Variants in NCAPD3 observed in about 807,000 individuals in gnomAD.
NCAPD3 encodes condensin-2 complex subunit D3.
In NCAPD3, 105 loss-of-function variants were observed where a neutral mutation model predicts 182.9. The ratio of observed to expected loss-of-function variants is 0.57; its 90% CI spans 0.49 to 0.68. The LOEUF is 0.68. NCAPD3 is among the 30% of genes least tolerant of loss of function. NCAPD3 has a pLI of 0.00. For missense variants in NCAPD3, 1,944 were observed against 1,837.0 expected, an observed-to-expected ratio of 1.06 and a Z score of -1.07; for synonymous variants, 815 against 679.9, an observed-to-expected ratio of 1.20 and a Z score of -3.09.
intron 20 of NCAPD3, among the ~76,000 whole-genome samples, chr11:134,179,280 C>G (rs1409100693): frequency 1.3e-5 from 2 of 152,072 alleles, no homozygotes; most frequent in Non-Finnish European, 2.9e-5. Context: ...CCAGAGACAC[C>G]ATTATTGTTT....
intron 24 of NCAPD3, among the ~76,000 whole-genome samples, chr11:134,171,181 C>A (rs1943997945): frequency 6.6e-6 from 1 of 152,146 alleles, no homozygotes; most frequent in Non-Finnish European, 1.5e-5. Flanking sequence ...ACTAGGAACG[C>A]ACATACCCAC....
chr11:134,216,037 G>C (rs1405630624), intron 3 of NCAPD3, among the ~76,000 whole-genome samples: 1 of 152,124 alleles, frequency 6.6e-6, no homozygotes, highest in African/African-American at 2.4e-5. Flanking sequence ...AGAAGAAACT[G>C]CATCTGGCAA....
chr11:134,208,310 T>C (rs1488600290), intron 7 of NCAPD3, among the ~76,000 whole-genome samples: 1 of 152,240 alleles, frequency 6.6e-6, no homozygotes, highest in African/African-American at 2.4e-5. Context: ...TAACTCTAAC[T>C]GCAAAGTTTC....
intron 3 of NCAPD3, among the ~76,000 whole-genome samples, chr11:134,213,019 A>T (rs1937893350): frequency 6.6e-6 from 1 of 152,294 alleles, no homozygotes; most frequent in Non-Finnish European, 1.5e-5. Context: ...AAAAGCAAAC[A>T]TTGTCAGAAA....
chr11:134,193,319 CAAAAGT>C (rs905320275), intron 15 of NCAPD3, among the ~76,000 whole-genome samples: 20 of 152,268 alleles, frequency 1.3e-4, no homozygotes, highest in African/African-American at 4.8e-4. Flanking sequence ...AACTAGTAAA[CAAAAGT>C]AAATTAAATA....
At position 134,208,823 on chromosome 11, in the gene NCAPD3, C is replaced by T. The variant is rs766355021; in HGVS notation, c.882+41G>A. ...TTCCATCATATGGTTCATGTGCCTT[C>T]GATTCAACTAGTAACCAAATTAGGT... On this transcript the variant is annotated intron_variant, in intron 7 of 34. Transcript: ENST00000534548. The T allele has an allele frequency of 1.7e-5, 23 of 1,369,964 alleles. 2 individuals are homozygous for T. The Admixed American group carries it at 2.3e-4, about 14-fold the overall frequency. The allele number at this position is 1,369,964 out of a possible 1,614,324, so 84.9% of individuals were successfully genotyped here.
chr11:134,203,526 T>A lies in NCAPD3; in HGVS notation c.1468+128A>T, dbSNP rs528140681. ...ATTTGGCAAGAAAATATACTAAAAA[T>A]GGTTTTGAGAGTAAAAATAGATCAT... On this transcript the variant is annotated intron_variant, in intron 11 of 34. Coordinates refer to ENST00000534548, the MANE Select transcript of NCAPD3 (RefSeq NM_015261.3). 1.0e-4 allele frequency: 125 copies of A among 1,240,556 alleles called. No individual in the cohort carries two copies. In the African/African-American group the frequency reaches 1.6e-3, roughly 16 times the overall value. The allele number at this position is 1,240,556 out of a possible 1,614,324, so 76.8% of individuals were successfully genotyped here.
intron 32 of NCAPD3, among the ~76,000 whole-genome samples, chr11:134,155,279 T>C (rs1283166792): frequency 6.6e-5 from 10 of 152,186 alleles, no homozygotes; most frequent in Admixed American, 6.5e-4. Context: ...AGACACTTCC[T>C]GACAGTCTCC....
chr11:134,220,819 G>C, intron 1 of NCAPD3, 93 bp from the exon 2 acceptor site: 1 of 1,217,262 alleles, frequency 8.2e-7, no homozygotes, highest in Non-Finnish European at 1.1e-6. Flanking sequence ...GAGGAGAAAA[G>C]TTTACTAGTC....
chr11:134,182,989 C>T lies in NCAPD3; in HGVS notation c.2451+1648G>A, dbSNP rs1297034634. The T allele has an allele frequency of 1.4e-4, 55 of 406,848 alleles. 2 individuals carry two copies. Among genetic ancestry groups the T allele is most frequent in the South Asian group, 3.6e-4 (20 of 56,074 alleles). The allele number at this position is 406,848 out of a possible 1,614,324, so 25.2% of individuals were successfully genotyped here. On this transcript the variant is annotated intron_variant, in intron 19 of 34. Transcript: ENST00000534548. Reference sequence around the variant, plus strand: ...TGCTAATGCAGTAGTAAGCCCCACCCGCTTCCAGCTCTCAGTGTCTAACCT... The same window carrying T: ...TGCTAATGCAGTAGTAAGCCCCACCTGCTTCCAGCTCTCAGTGTCTAACCT...
At chr11:134,207,357 A>T (rs985022385) in intron 7 of NCAPD3, among the ~76,000 whole-genome samples, 5 of 152,284 alleles carry the variant, frequency 3.3e-5, no homozygotes, top group African/African-American at 4.8e-5. Flanking sequence ...ACAGATAATT[A>T]AAAAAAGCTC....
Position 134,176,364 on chromosome 11 carries a change from C to A in NCAPD3, c.3044G>T (p.Gly1015Val). 2 of 1,613,974 alleles carry A rather than the reference C, an allele frequency of 1.2e-6. No homozygotes were observed. The highest frequency in any genetic ancestry group is 4.5e-5 in the East Asian group (2 of 44,886). The change falls in exon 24 of 35, where the codon GGC becomes GTC. Residue 1015 changes from glycine to valine, a missense_variant. Physicochemically the swap from Gly to Val is moderately radical, Grantham distance 109. Coordinates refer to ENST00000534548, the MANE Select transcript of NCAPD3 (RefSeq NM_015261.3). ...LLQEEFVKWK[G>V]SLFFRFVSTL... ...GCTGACAAATCGGAAGAACAGGGAG[C>A]CCTTCCATTTCACAAATTCCTCCTG...
At chr11:134,170,109 G>C (rs1430553417) in intron 24 of NCAPD3, among the ~76,000 whole-genome samples, 1 of 152,172 alleles carries the variant, frequency 6.6e-6, no homozygotes, top group South Asian at 2.1e-4. Flanking sequence ...TTAAAAATCA[G>C]AGAAGGTAGA....
At chr11:134,215,793 G>A (rs1346330418) in intron 3 of NCAPD3, among the ~76,000 whole-genome samples, 1 of 152,108 alleles carries the variant, frequency 6.6e-6, no homozygotes, top group Non-Finnish European at 1.5e-5. Context: ...AGAAATTCAC[G>A]TACAGATCCT....
intron 32 of NCAPD3, 48 bp from the exon 33 acceptor site, chr11:134,153,411 G>C: frequency 6.3e-7 from 1 of 1,587,624 alleles, no homozygotes; most frequent in South Asian, 1.1e-5. Context: ...TGGTCTATCG[G>C]AGGTCTCTGT....
At chr11:134,161,943 G>A (rs548913224) in intron 27 of NCAPD3, 52 bp from the exon 28 acceptor site, 78 of 797,854 alleles carry the variant, frequency 9.8e-5, no homozygotes, top group Admixed American at 1.8e-4. Context: ...CTGAAAGACA[G>A]GCCTCTCCTT....
intron 29 of NCAPD3, among the ~76,000 whole-genome samples, chr11:134,158,988 A>C (rs1332456940): frequency 6.6e-6 from 1 of 152,232 alleles, no homozygotes; most frequent in African/African-American, 2.4e-5. Flanking sequence ...TCCATGTTGC[A>C]ACAGATGACA....
At chr11:134,162,549 A>C (rs1163398864) in intron 27 of NCAPD3, among the ~76,000 whole-genome samples, 2 of 152,358 alleles carry the variant, frequency 1.3e-5, no homozygotes, top group African/African-American at 4.8e-5. Flanking sequence ...CCTGAAGCTG[A>C]AACTACTCTT....
In NCAPD3 at chr11:134,202,000, T is replaced by C. The variant is rs569702539; in HGVS notation, c.1615+816A>G. ...CACCTATCTCAGTGTTCCGCATACATGTGTGCACAATTGTATATATGAGAA... is the reference window on the plus strand; with the variant it reads ...CACCTATCTCAGTGTTCCGCATACACGTGTGCACAATTGTATATATGAGAA... On this transcript the variant is annotated intron_variant, in intron 13 of 34. Transcript: ENST00000534548. Among the ~76,000 whole-genome samples, 4 of 152,334 alleles carry C rather than the reference T, an allele frequency of 2.6e-5. No individual in the cohort carries two copies. In the East Asian group the frequency reaches 7.7e-4, roughly 29 times the overall value.
Sources: allele counts gnomAD v4.1 joint callset (sites outside exome capture counted in the v4.1 genomes callset), GRCh38; gene constraint gnomAD v4.1.1; transcripts MANE v1.5; gene names NCBI Gene and HGNC (gene_info 2026-07-23, HGNC 2026-07-21).